PITPNM3: variants seen among roughly 807,000 people sequenced by gnomAD.
PITPNM3 encodes the protein membrane-associated phosphatidylinositol transfer protein 3.
Under a neutral mutation model 102.0 loss-of-function variants are expected in PITPNM3, and 26 were observed. The observed-to-expected ratio is 0.25, with a 90% confidence interval of 0.19 to 0.35. The LOEUF (loss-of-function observed/expected upper bound fraction) is 0.35. Ranked by LOEUF, PITPNM3 falls within the 10% of genes least tolerant of loss-of-function variation. The pLI, the probability that PITPNM3 is intolerant of heterozygous loss-of-function variation, is 1.00. For synonymous variants in PITPNM3, 578 were observed against 558.6 expected (o/e 1.03, Z -0.49); for missense variants, 1,083 against 1,346.1 (o/e 0.80, Z 3.06).
chr17:6,516,010 G>C (rs58408549), intron 3 of PITPNM3, among the ~76,000 whole-genome samples: 1 of 152,192 alleles, frequency 6.6e-6, no homozygotes, highest in Admixed American at 6.5e-5. Flanking sequence ...GCGAGACCCT[G>C]TCTCTACAAA....
At chr17:6,540,621 A>C (rs1036060258) in intron 1 of PITPNM3, among the ~76,000 whole-genome samples, 1 of 152,184 alleles carries the variant, frequency 6.6e-6, no homozygotes, top group African/African-American at 2.4e-5. Context: ...CTTGTTTACT[A>C]TTATTCTACT....
chr17:6,511,229 C>T (rs1172721184), intron 3 of PITPNM3, among the ~76,000 whole-genome samples: 1 of 152,192 alleles, frequency 6.6e-6, no homozygotes, highest in Non-Finnish European at 1.5e-5. Context: ...CTGCAGTCAA[C>T]AAAGACCTAC....
Position 6,458,525 on chromosome 17 carries a change from C to T in PITPNM3, c.2491-803G>A, listed in dbSNP as rs576912094. ...CCTGGCAGCTTCGCACCTTCTTTCA[C>T]GTCAGTGGCCGTCACTTCCAGGACC... On this transcript the variant is annotated intron_variant, in intron 18 of 19. Coordinates refer to ENST00000262483, the MANE Select transcript of PITPNM3 (RefSeq NM_031220.4). The surrounding 1 kb of genome is among the most constrained non-coding windows in gnomAD (Gnocchi z 5.1). 2.0e-5 allele frequency among the ~76,000 whole-genome samples: 3 copies of T among 152,286 alleles called. No homozygotes were observed. Among genetic ancestry groups the T allele is most frequent in the South Asian group, 4.1e-4 (2 of 4,828 alleles).
At position 6,538,063 on chromosome 17, in the gene PITPNM3, G is replaced by A. The variant is rs770585194; in HGVS notation, c.42C>T (p.Gly14=). The A allele has an allele frequency of 1.1e-5, 17 of 1,611,502 alleles. No individual in the cohort carries two copies. The highest frequency in any genetic ancestry group is 6.7e-5 in the East Asian group (3 of 44,848). Residue 14 remains glycine (G), a synonymous_variant, in exon 2 of 20, where the codon GGC becomes GGT. Transcript: ENST00000262483. ...CATTTCGAAGGTGCCAGGGGGCACC[G>A]CCGCCCGGGGGAGGACCACCTGTTA... ...AGRAGGPPPG[G]GAPWHLRNVL...
intron 1 of PITPNM3, among the ~76,000 whole-genome samples, chr17:6,540,816 G>A (rs1417609060): frequency 6.6e-6 from 1 of 152,136 alleles, no homozygotes; most frequent in African/African-American, 2.4e-5. Flanking sequence ...CTGCCACCAT[G>A]CCCGGCTAAT....
At chr17:6,467,081 C>CAA (rs1312792836) in intron 14 of PITPNM3, among the ~76,000 whole-genome samples, 1 of 101,592 alleles carries the variant, frequency 9.8e-6, no homozygotes, top group African/African-American at 4.8e-5. Flanking sequence ...AAAAAAAAAC[C>CAA]AAAAAAAAAA....
intron 3 of PITPNM3, among the ~76,000 whole-genome samples, chr17:6,514,273 C>A (rs1199781370): frequency 6.7e-6 from 1 of 149,942 alleles, no homozygotes; most frequent in Non-Finnish European, 1.5e-5. Context: ...CAAACTTCAA[C>A]AAAATTTTAA....
intron 8 of PITPNM3, 135 bp from the exon 9 acceptor site, chr17:6,477,348 A>C: frequency 1.1e-6 from 1 of 905,458 alleles, no homozygotes; most frequent in Non-Finnish European, 1.7e-6. Context: ...TCCAAAAGAC[A>C]CAGGAAGCCA....
chr17:6,458,472 C>T lies in PITPNM3; in HGVS notation c.2491-750G>A, dbSNP rs1208141642. Among the ~76,000 whole-genome samples the T allele has an allele frequency of 2.0e-5, 3 of 152,178 alleles. No individual in the cohort carries two copies. Among genetic ancestry groups the T allele is most frequent in the South Asian group, 4.1e-4 (2 of 4,830 alleles). On this transcript the variant is annotated intron_variant, in intron 18 of 19. Transcript: ENST00000262483. The surrounding 1 kb of genome is among the most constrained non-coding windows in gnomAD (Gnocchi z 5.1). ...CTGGGATGACCCACGGTCTGCATGA[C>T]GTGAAGGATCTACCACCTCCCACCC...
At chr17:6,514,393 C>T (rs1003365009) in intron 3 of PITPNM3, among the ~76,000 whole-genome samples, 2 of 150,922 alleles carry the variant, frequency 1.3e-5, no homozygotes, top group African/African-American at 4.9e-5. Context: ...CATTAAAGAA[C>T]TCTTACAACT....
chr17:6,545,335 C>T (rs992946458), intron 1 of PITPNM3, among the ~76,000 whole-genome samples: 4 of 152,132 alleles, frequency 2.6e-5, no homozygotes, highest in South Asian at 2.1e-4. Flanking sequence ...TTCTTTCATC[C>T]GTGGCAACTT....
chr17:6,538,141 G>GTCT, intron 1 of PITPNM3, 59 bp from the exon 2 acceptor site: 1 of 1,342,046 alleles, frequency 7.5e-7, no homozygotes, highest in Non-Finnish European at 1.1e-6. Context: ...TATGAGGGAG[G>GTCT]TGACCCAAGA....
At chr17:6,475,150 G>A (rs1905246362) in intron 9 of PITPNM3, among the ~76,000 whole-genome samples, 1 of 152,146 alleles carries the variant, frequency 6.6e-6, no homozygotes, top group Non-Finnish European at 1.5e-5. Context: ...GGCTTTCATC[G>A]TAATTCCTGT....
intron 1 of PITPNM3, among the ~76,000 whole-genome samples, chr17:6,544,963 C>T (rs1349326669): frequency 6.6e-6 from 1 of 152,162 alleles, no homozygotes; most frequent in Non-Finnish European, 1.5e-5. Context: ...ATGTGGAGTG[C>T]AGTGCTTCCT....
chr17:6,509,535 T>C (rs879680129), intron 3 of PITPNM3, among the ~76,000 whole-genome samples: 3 of 152,154 alleles, frequency 2.0e-5, no homozygotes, highest in South Asian at 2.1e-4. Context: ...TTACTGGGCA[T>C]TGGGAGCCCT....
intron 9 of PITPNM3, 90 bp from the exon 10 acceptor site, chr17:6,474,694 A>G: frequency 2.1e-6 from 3 of 1,428,266 alleles, no homozygotes; most frequent in Non-Finnish European, 2.8e-6. Flanking sequence ...CTGAATTCTG[A>G]GCGTGAAGTG....
In PITPNM3 at chr17:6,461,394, G is replaced by A; in HGVS notation, c.2469C>T (p.Phe823=). The A allele has an allele frequency of 6.2e-7, 1 of 1,614,140 alleles. No homozygotes were observed. The highest frequency in any genetic ancestry group is 1.1e-5 in the South Asian group (1 of 91,090). Residue 823 remains phenylalanine, a synonymous_variant, in exon 18 of 20, where the codon TTC becomes TTT. Coordinates refer to ENST00000262483, the MANE Select transcript of PITPNM3 (RefSeq NM_031220.4). ...TCACCTCCTGCATGAGGTTGCGCAG[G>A]AAGATGGCCTTCTGCCGCAGCGGGT... ...VHDPLRQKAI[F]LRNLMQECFI... is the part of the protein sequence containing the mutation.
At chr17:6,488,912 A>G (rs557186191) in intron 4 of PITPNM3, among the ~76,000 whole-genome samples, 3 of 152,182 alleles carry the variant, frequency 2.0e-5, no homozygotes, top group Non-Finnish European at 4.4e-5. Flanking sequence ...GGGAGCCCAC[A>G]GCTGTTTTTG....
At chr17:6,474,286 C>G in intron 10 of PITPNM3, 146 bp downstream of exon 10, 1 of 1,176,280 alleles carries the variant, frequency 8.5e-7, no homozygotes, top group Non-Finnish European at 1.2e-6. Flanking sequence ...TCCTCTTCCC[C>G]ACCCTCTCTC....
Sources: allele counts gnomAD v4.1 joint callset (sites outside exome capture counted in the v4.1 genomes callset), GRCh38; gene constraint gnomAD v4.1.1; non-coding constraint Gnocchi (gnomAD v3.1); transcripts MANE v1.5; gene names NCBI Gene and HGNC (gene_info 2026-07-23, HGNC 2026-07-21).